Variants in PDPR observed in about 807,000 individuals in gnomAD.
The protein encoded by PDPR is pyruvate dehydrogenase phosphatase regulatory subunit.
Under a neutral mutation model 102.2 loss-of-function variants are expected in PDPR, and 50 were observed. The ratio of observed to expected loss-of-function variants is 0.49; its 90% CI spans 0.39 to 0.62. The LOEUF is 0.62. Ranked by LOEUF, PDPR falls within the 20% of genes least tolerant of loss-of-function variation. The pLI is 0.00. For missense variants in PDPR, 625 were observed against 1,098.2 expected, an observed-to-expected ratio of 0.57 and a Z score of 6.09; for synonymous variants, 259 against 406.0, an observed-to-expected ratio of 0.64 and a Z score of 4.35.
At chr16:70,133,421 C>CCTTTTTTTTTTTTTT (rs1964750684) in intron 9 of PDPR, among the ~76,000 whole-genome samples, 2 of 103,732 alleles carry the variant, frequency 1.9e-5, no homozygotes, top group African/African-American at 4.0e-5. Context: ...TGCGTCTGGC[C>CCTTTTTTTTTTTTTT]TTTTTTTTTT....
At chr16:70,152,872 C>T (rs1025294320) in intron 17 of PDPR, among the ~76,000 whole-genome samples, 10 of 152,278 alleles carry the variant, frequency 6.6e-5, no homozygotes, top group Non-Finnish European at 8.8e-5. Context: ...CATGAGCAGG[C>T]GAGCCCTGCC....
intron 2 of PDPR, among the ~76,000 whole-genome samples, chr16:70,115,897 A>G (rs1220895865): frequency 6.6e-6 from 1 of 152,034 alleles, no homozygotes; most frequent in Non-Finnish European, 1.5e-5. Flanking sequence ...CTCCTTTGTT[A>G]TCAGTTTGTG....
chr16:70,126,489 G>A (rs1445167811), intron 3 of PDPR, among the ~76,000 whole-genome samples: 5 of 152,122 alleles, frequency 3.3e-5, no homozygotes, highest in Admixed American at 6.6e-5. Flanking sequence ...TCAGCCTCCC[G>A]AGTAGCTGGG....
Position 70,139,914 on chromosome 16 carries a change from G to C in PDPR, c.1315+891G>C, listed in dbSNP as rs200532255. Among the ~76,000 whole-genome samples the C allele has an allele frequency of 4.8e-3, 725 of 152,296 alleles. 7 individuals are homozygous for C. The East Asian group carries it at 0.077, about 16-fold the overall frequency. On this transcript the variant is annotated intron_variant, in intron 11 of 18. Transcript: ENST00000288050. ...AACAACATTGTTGGTGAGGACTCTG[G>C]ATGGCCTTTAATGCCTGAGTGCTCA...
At chr16:70,135,273 A>G (rs1325384315) in intron 9 of PDPR, among the ~76,000 whole-genome samples, 12 of 138,948 alleles carry the variant, frequency 8.6e-5, no homozygotes, top group African/African-American at 2.5e-4. Context: ...GTTTCACTCT[A>G]TTGCCCAGGC....
At chr16:70,155,485 G>A (rs563320913) in intron 18 of PDPR, among the ~76,000 whole-genome samples, 4 of 152,350 alleles carry the variant, frequency 2.6e-5, no homozygotes, top group Admixed American at 1.3e-4. Context: ...GTGTGGTGGC[G>A]CATCTGTGGG....
Position 70,128,357 on chromosome 16 carries a change from A to G in PDPR, c.362-427A>G, listed in dbSNP as rs546930487. ...ATTCTCCTGCCTCAGCCTTCCCGGT[A>G]GCTGGGATTACAGGCGTGCACCACC... On this transcript the variant is annotated intron_variant, in intron 4 of 18. Transcript: ENST00000288050. Among the ~76,000 whole-genome samples the G allele has an allele frequency of 2.6e-5, 4 of 152,290 alleles. No individual in the cohort carries two copies. The East Asian group carries it at 7.7e-4, about 29-fold the overall frequency.
At chr16:70,135,765 G>A (rs181833020) in intron 9 of PDPR, among the ~76,000 whole-genome samples, 49 of 152,294 alleles carry the variant, frequency 3.2e-4, no homozygotes, top group Admixed American at 9.8e-4. Context: ...CAGTTGGCTC[G>A]TCTTTAAAAA....
intron 3 of PDPR, among the ~76,000 whole-genome samples, chr16:70,121,117 G>C (rs188671769): frequency 6.6e-6 from 1 of 151,794 alleles, no homozygotes; most frequent in Non-Finnish European, 1.5e-5. Flanking sequence ...AAAAATTTGC[G>C]TTTGTAAATA....
chr16:70,149,185 A>G (rs1312263907), intron 17 of PDPR, among the ~76,000 whole-genome samples: 5 of 151,628 alleles, frequency 3.3e-5, no homozygotes, highest in Admixed American at 6.6e-5. Flanking sequence ...GTGAGCCACC[A>G]TACCCAGCCA....
chr16:70,124,553 C>G (rs1451251866), intron 3 of PDPR, among the ~76,000 whole-genome samples: 1 of 152,282 alleles, frequency 6.6e-6, no homozygotes, highest in African/African-American at 2.4e-5. Context: ...CTCCCCAGAA[C>G]AAACCAGAAT....
intron 11 of PDPR, among the ~76,000 whole-genome samples, chr16:70,139,336 A>G (rs1795596605): frequency 6.6e-6 from 1 of 152,208 alleles, no homozygotes; most frequent in African/African-American, 2.4e-5. Context: ...GAGAGACCGT[A>G]TGTCGAAGTG....
In PDPR at chr16:70,158,008, G is replaced by A. The variant is rs1252108204; in HGVS notation, c.*1129G>A. 6.5e-6 allele frequency: 1 copy of A among 153,624 alleles called. No individual in the cohort carries two copies. Among genetic ancestry groups the A allele is most frequent in the Non-Finnish European group, 1.5e-5 (1 of 68,956 alleles). The allele number at this position is 153,624 out of a possible 1,614,324, so 9.5% of individuals were successfully genotyped here. A position where few individuals can be genotyped will look rare whatever the true frequency, so the allele number is the denominator to read the frequency against. On this transcript the variant is annotated 3_prime_UTR_variant, in exon 19 of 19. Transcript: ENST00000288050. ...CTCCAGCACAGAGCAGAGCTACACA[G>A]AGGTGACCCACGTTAGTCCACTGAG... is the stretch of plus-strand genomic sequence containing the variant.
At chr16:70,152,967 G>A (rs550166798) in intron 17 of PDPR, among the ~76,000 whole-genome samples, 11 of 152,404 alleles carry the variant, frequency 7.2e-5, no homozygotes, top group South Asian at 6.2e-4. Flanking sequence ...GGGCCAGTAC[G>A]TGAGGGAGTA....
chr16:70,154,337 A>C (rs1010472946), intron 18 of PDPR, among the ~76,000 whole-genome samples: 1 of 152,236 alleles, frequency 6.6e-6, no homozygotes, highest in African/African-American at 2.4e-5. Context: ...CAGAAAAAAG[A>C]AAACATAGTA....
In PDPR at chr16:70,120,441, T is replaced by C. The variant is rs566557888; in HGVS notation, c.-32-20T>C. 27 of 1,313,824 alleles carry C rather than the reference T, an allele frequency of 2.1e-5. No individual in the cohort carries two copies. In the South Asian group the frequency reaches 2.9e-4, roughly 14 times the overall value. The allele number at this position is 1,313,824 out of a possible 1,614,324, so 81.4% of individuals were successfully genotyped here. On this transcript the variant is annotated intron_variant, in intron 2 of 18. Coordinates refer to ENST00000288050, the MANE Select transcript of PDPR (RefSeq NM_017990.5). ...GCACTGAGTAGAATGGCATGAAATA[T>C]GTTTGGTTTCTCTGTCTAGTTTGAG...
In PDPR at chr16:70,146,244, G is replaced by A. The variant is rs1226114799; in HGVS notation, c.1962+16G>A. On this transcript the variant is annotated intron_variant, in intron 16 of 18. Coordinates refer to ENST00000288050, the MANE Select transcript of PDPR (RefSeq NM_017990.5). ...CTTTTGCAAGGTAAGTGCTGATAAA[G>A]TTCTGTTTCTTAAATGGGCAGAGAA... The A allele has an allele frequency of 1.2e-6, 2 of 1,613,780 alleles. No homozygotes were observed. Among genetic ancestry groups the A allele is most frequent in the Non-Finnish European group, 8.5e-7 (1 of 1,179,786 alleles).
chr16:70,127,992 A>G (rs1485409087), intron 4 of PDPR, among the ~76,000 whole-genome samples: 7 of 152,136 alleles, frequency 4.6e-5, no homozygotes, highest in Non-Finnish European at 1.0e-4. Flanking sequence ...TCATTCACCT[A>G]CGTGCTCAAG....
At chr16:70,146,045 C>G in intron 15 of PDPR, 89 bp from the exon 16 acceptor site, 1 of 1,530,426 alleles carries the variant, frequency 6.5e-7, no homozygotes, top group Non-Finnish European at 9.0e-7. Context: ...CCAGGCCTGG[C>G]TATAGCTGAG....
Sources: allele counts gnomAD v4.1 joint callset (sites outside exome capture counted in the v4.1 genomes callset), GRCh38; gene constraint gnomAD v4.1.1; transcripts MANE v1.5; gene names NCBI Gene and HGNC (gene_info 2026-07-23, HGNC 2026-07-21).